The following NPR2 variants were observed in gnomAD, a reference collection of about 807,000 sequenced individuals.
NPR2 encodes atrial natriuretic peptide receptor 2.
A neutral mutation model predicts 120.7 loss-of-function variants in NPR2; 49 were observed. The observed-to-expected ratio is 0.41, with a 90% CI of 0.32 to 0.52. NPR2 has a LOEUF of 0.52. Ranked by LOEUF, NPR2 falls within the 20% of genes least tolerant of loss-of-function variation. The pLI is 0.36. For synonymous variants in NPR2, 484 were observed against 519.8 expected (o/e 0.93, Z 0.94); for missense variants, 931 against 1,362.9 (o/e 0.68, Z 4.99).
intron 1 of NPR2, 95 bp from the exon 2 acceptor site, chr9:35,793,803 G>A: frequency 1.6e-6 from 2 of 1,261,664 alleles, no homozygotes; most frequent in Non-Finnish European, 2.3e-6. Context: ...TCTCTTTCTT[G>A]CTGAAGAGGG....
Position 35,808,571 on chromosome 9 carries a change from C to G in NPR2, c.2775C>G (p.Arg925=). ...GCCTCCCAGGCCGAAATGGTCAACG[C>G]CATGCACCAGAAATTGCTCGTATGG... The part of the protein sequence containing the change: ...VSGLPGRNGQ[R]HAPEIARMAL... Residue 925 remains arginine (R), a synonymous_variant, in exon 19 of 22, where the codon CGC becomes CGG. Coordinates refer to ENST00000342694, the MANE Select transcript of NPR2 (RefSeq NM_003995.4). This position sits in a 1 kb window ranked among gnomAD's most constrained non-coding sequence, Gnocchi z 4.0. 1.2e-6 allele frequency: 2 copies of G among 1,614,170 alleles called. No individual in the cohort carries two copies. The highest frequency in any genetic ancestry group is 1.7e-6 in the Non-Finnish European group (2 of 1,180,012).
In NPR2 at chr9:35,805,932, T is replaced by C. The variant is rs760946888; in HGVS notation, c.2150T>C (p.Ile717Thr). The C allele has an allele frequency of 2.2e-5, 35 of 1,614,082 alleles. No individual in the cohort carries two copies. Among genetic ancestry groups the C allele is most frequent in the East Asian group, 4.5e-5 (2 of 44,892 alleles). ...VYSFGIILQE[I>T]ALRSGPFYLE... ...AGCTTTGGGATCATCCTGCAGGAGA[T>C]AGCACTTCGCAGTGGTCCTTTCTAC... Residue 717 changes from isoleucine (I) to threonine (T), a missense_variant, in exon 14 of 22, where the codon ATA (isoleucine) becomes ACA (threonine). Ile to Thr is a moderately conservative substitution (Grantham distance 89). Around this residue, in one of 3 missense-constraint regions of NPR2, gnomAD observed 681 missense variants for 974.3 expected, o/e 0.70. Coordinates refer to ENST00000342694, the MANE Select transcript of NPR2 (RefSeq NM_003995.4). The surrounding 1 kb of genome is among the most constrained non-coding windows in gnomAD (Gnocchi z 4.9).
In NPR2 at chr9:35,809,078, T is replaced by G; in HGVS notation, c.2987-78T>G. On this transcript the variant is annotated intron_variant, in intron 20 of 21. Coordinates refer to ENST00000342694, the MANE Select transcript of NPR2 (RefSeq NM_003995.4). The surrounding 1 kb of genome is among the most constrained non-coding windows in gnomAD (Gnocchi z 4.1). ...AGGGATGGTTGGTCGGGCACGGTGC[T>G]ATACAGTATCACCAATTATTTGATT... 7.4e-7 allele frequency: 1 copy of G among 1,359,876 alleles called. No homozygotes were observed. Among genetic ancestry groups the G allele is most frequent in the South Asian group, 1.2e-5 (1 of 86,042 alleles). The allele number at this position is 1,359,876 out of a possible 1,614,324, so 84.2% of individuals were successfully genotyped here.
chr9:35,801,578 C>A (rs1328554303), intron 7 of NPR2, 65 bp from the exon 8 acceptor site: 9 of 1,601,750 alleles, frequency 5.6e-6, no homozygotes, highest in Non-Finnish European at 7.7e-6. Flanking sequence ...CCCTGCAACC[C>A]TGCTGTTGGC....
chr9:35,801,519 C>T, intron 7 of NPR2, 124 bp from the exon 8 acceptor site: 1 of 1,007,164 alleles, frequency 9.9e-7, no homozygotes, highest in South Asian at 1.3e-5. Context: ...TATCTTCCAG[C>T]CCTGTCTCTC....
intron 2 of NPR2, among the ~76,000 whole-genome samples, chr9:35,798,675 T>C (rs971157789): frequency 2.0e-5 from 3 of 152,238 alleles, no homozygotes; most frequent in African/African-American, 7.2e-5. Context: ...CTGAAGTCTT[T>C]CCTTGAAGTT....
chr9:35,804,678 G>A (rs545200605), intron 12 of NPR2, among the ~76,000 whole-genome samples: 1 of 152,272 alleles, frequency 6.6e-6, no homozygotes, highest in Admixed American at 6.5e-5. Context: ...CTCTGATCCA[G>A]CATTCCCTCT....
chr9:35,801,506 C>A (rs1203077770), intron 7 of NPR2, 137 bp from the exon 8 acceptor site: 4 of 917,192 alleles, frequency 4.4e-6, no homozygotes, highest in Non-Finnish European at 7.2e-6. Context: ...GAGAATGCAG[C>A]CTTATCTTCC....
Position 35,802,753 on chromosome 9 carries a change from A to G in NPR2, c.1837A>G (p.Ile613Val). The G allele has an allele frequency of 6.2e-7, 1 of 1,613,174 alleles. No individual in the cohort carries two copies. Among genetic ancestry groups the G allele is most frequent in the Non-Finnish European group, 8.5e-7 (1 of 1,179,086 alleles). ...SLQDILENDS[I>V]NLDWMFRYSL... is the part of the protein sequence containing the mutation. ...CCAGGATATTCTAGAAAATGACAGC[A>G]TCAACTTGGACTGGATGTTTCGTTA... is the stretch of plus-strand genomic sequence containing the variant. Residue 613 changes from isoleucine to valine, a missense_variant, in exon 12 of 22, where the codon ATC (isoleucine) becomes GTC (valine). By Grantham distance (29) the Ile-to-Val change is conservative (BLOSUM62 3). This residue lies in a region of NPR2 where 681 missense variants were observed against 974.3 expected (regional missense o/e 0.70). Transcript: ENST00000342694. This position sits in a 1 kb window ranked among gnomAD's most constrained non-coding sequence, Gnocchi z 4.2.
Position 35,800,954 on chromosome 9 carries a change from C to T in NPR2, c.1351+113C>T. 4.5e-6 allele frequency: 7 copies of T among 1,540,024 alleles called. No homozygotes were observed. The highest frequency in any genetic ancestry group is 6.3e-6 in the Non-Finnish European group (7 of 1,112,414). ...GTGCTTCTGCCTTTACGTCTGCATC[C>T]CTCCCTCCTCATTTCTTCCTACTCC... is the stretch of plus-strand genomic sequence containing the variant. On this transcript the variant is annotated intron_variant, in intron 6 of 21. Transcript: ENST00000342694. The surrounding 1 kb of genome is among the most constrained non-coding windows in gnomAD (Gnocchi z 4.7).
At position 35,805,489 on chromosome 9, in the gene NPR2, T is replaced by A. The variant is rs755527371; in HGVS notation, c.1888-22T>A. 24 of 1,613,560 alleles carry A rather than the reference T, an allele frequency of 1.5e-5. No individual in the cohort carries two copies. Among genetic ancestry groups the A allele is most frequent in the African/African-American group, 4.0e-5 (3 of 74,936 alleles). On this transcript the variant is annotated intron_variant, in intron 12 of 21. Coordinates refer to ENST00000342694, the MANE Select transcript of NPR2 (RefSeq NM_003995.4). The surrounding 1 kb of genome is among the most constrained non-coding windows in gnomAD (Gnocchi z 4.9). ...CTAAGCCAGATATGATCCAATCCCA[T>A]GACTTGATCTGTACCCTGCAGGGCA...
rs751229207 is a variant in NPR2 at position 35,800,115 on chromosome 9, G to A, written c.1081G>A (p.Gly361Arg). The A allele has an allele frequency of 3.1e-6, 5 of 1,613,900 alleles. No homozygotes were observed. The highest frequency in any genetic ancestry group is 4.5e-5 in the East Asian group (2 of 44,898). ...ACAGGAAGGAGGCACCCGGGAGGAT[G>A]GACTTCGAATTGTGGAAAAGATGCA... Reference protein sequence around the residue: ...TIQEGGTREDGLRIVEKMQGR... With the variant: ...TIQEGGTREDRLRIVEKMQGR... The change falls in exon 4 of 22, where the codon GGA becomes AGA. Residue 361 changes from glycine to arginine, a missense_variant. Around this residue, in one of 3 missense-constraint regions of NPR2, gnomAD observed 681 missense variants for 974.3 expected, o/e 0.70. Transcript: ENST00000342694. The surrounding 1 kb of genome is among the most constrained non-coding windows in gnomAD (Gnocchi z 4.7).
intron 3 of NPR2, 45 bp from the exon 4 acceptor site, chr9:35,799,977 C>A (rs764770282): frequency 1.9e-5 from 30 of 1,611,824 alleles, no homozygotes; most frequent in South Asian, 5.5e-5. Flanking sequence ...GGGGAAGGGG[C>A]CTTGCAGGAC....
In NPR2 at chr9:35,809,455, C is replaced by A. The variant is rs183710056; in HGVS notation, c.*10C>A. On this transcript the variant is annotated 3_prime_UTR_variant, in exon 22 of 22. Transcript: ENST00000342694. This position sits in a 1 kb window ranked among gnomAD's most constrained non-coding sequence, Gnocchi z 4.1. ...TCCTGGACTCCTGTAAACCCCCATT[C>A]TTTCCAAGTCAGATAGTCTTCTGCT... 12 of 1,614,200 alleles carry A rather than the reference C, an allele frequency of 7.4e-6. No individual in the cohort carries two copies. The highest frequency in any genetic ancestry group is 1.7e-5 in the Admixed American group (1 of 60,026).
In NPR2 at chr9:35,809,306, A is replaced by C; in HGVS notation, c.3078+59A>C. 1.9e-6 allele frequency: 3 copies of C among 1,610,712 alleles called. No individual in the cohort carries two copies. The highest frequency in any genetic ancestry group is 1.7e-4 in the Middle Eastern group (1 of 6,052). ...AGGGAGGGTGAAAGTGATTATGGGA[A>C]TCATAGGGAAAGAGAGGGAGACAAA... is the stretch of plus-strand genomic sequence containing the variant. On this transcript the variant is annotated intron_variant, in intron 21 of 21. Transcript: ENST00000342694. This position sits in a 1 kb window ranked among gnomAD's most constrained non-coding sequence, Gnocchi z 4.1.
In NPR2 at chr9:35,809,403, C is replaced by T. The variant is rs985223475; in HGVS notation, c.3102C>T (p.Tyr1034=). 1 of 1,614,200 alleles carries T rather than the reference C, an allele frequency of 6.2e-7. No homozygotes were observed. The highest frequency in any genetic ancestry group is 1.7e-5 in the Admixed American group (1 of 60,022). ...EMKGKGKMRT[Y]WLLGERKGPP... ...AGGGAAAAGGAAAGATGCGAACATA[C>T]TGGCTCTTAGGAGAGCGGAAAGGAC... is the stretch of plus-strand genomic sequence containing the variant. The change falls in exon 22 of 22, where the codon TAC becomes TAT. Residue 1034 remains tyrosine (Y), a synonymous_variant. Coordinates refer to ENST00000342694, the MANE Select transcript of NPR2 (RefSeq NM_003995.4). This position sits in a 1 kb window ranked among gnomAD's most constrained non-coding sequence, Gnocchi z 4.1.
At chr9:35,801,256 T>G (rs1828146061) in intron 7 of NPR2, 102 bp downstream of exon 7, 1 of 881,496 alleles carries the variant, frequency 1.1e-6, no homozygotes, top group Non-Finnish European at 1.9e-6. Flanking sequence ...GGTAGTAGGT[T>G]TCTTAATTTG....
chr9:35,799,839 G>A, intron 3 of NPR2, 108 bp downstream of exon 3: 6 of 1,365,246 alleles, frequency 4.4e-6, no homozygotes, highest in Middle Eastern at 5.0e-4. Flanking sequence ...ACTTTGGGGG[G>A]TCTCCGCTTC....
intron 2 of NPR2, among the ~76,000 whole-genome samples, chr9:35,796,982 T>C (rs937209899): frequency 1.3e-5 from 2 of 152,150 alleles, no homozygotes; most frequent in Non-Finnish European, 2.9e-5. Flanking sequence ...GGTATCATGC[T>C]CAAGGAAAGG....
Sources: allele counts gnomAD v4.1 joint callset (sites outside exome capture counted in the v4.1 genomes callset), GRCh38; gene constraint gnomAD v4.1.1; regional missense constraint gnomAD v4.1.1; non-coding constraint Gnocchi (gnomAD v3.1); transcripts MANE v1.5; gene names NCBI Gene and HGNC (gene_info 2026-07-23, HGNC 2026-07-21).